Variants in ANKFN1 observed in about 807,000 individuals in gnomAD.
ANKFN1 encodes the protein ankyrin repeat and fibronectin type-III domain-containing protein 1.
In ANKFN1, 74 loss-of-function variants were observed where a neutral mutation model predicts 108.7. The observed-to-expected ratio is 0.68, with a 90% CI of 0.56 to 0.83. The LOEUF is 0.83. ANKFN1 is among the 40% of genes least tolerant of loss of function. ANKFN1 has a pLI of 0.00. For missense variants in ANKFN1, 1,505 were observed against 1,382.3 expected (o/e 1.09, Z -1.41); for synonymous variants, 547 against 516.2 (o/e 1.06, Z -0.81).
chr17:56,387,080 A>G (rs1474777384), intron 8 of ANKFN1, among the ~76,000 whole-genome samples: 1 of 151,810 alleles, frequency 6.6e-6, no homozygotes, highest in Non-Finnish European at 1.5e-5. Context: ...ACATTTGACT[A>G]TTTTGTTGGT....
chr17:56,502,181 C>A (rs1567711210), intron 20 of ANKFN1, among the ~76,000 whole-genome samples: 2 of 152,174 alleles, frequency 1.3e-5, no homozygotes, highest in African/African-American at 4.8e-5. Context: ...CTTCGCAGCC[C>A]CTGTCTGCCC....
intron 14 of ANKFN1, among the ~76,000 whole-genome samples, chr17:56,459,558 C>T (rs1357050426): frequency 2.0e-5 from 3 of 152,204 alleles, no homozygotes; most frequent in African/African-American, 7.2e-5. Context: ...CCTCACACTA[C>T]TCTTTCTTTA....
Position 56,480,823 on chromosome 17 carries a change from T to G in ANKFN1, c.2091+5T>G, listed in dbSNP as rs771092151. On this transcript the variant is annotated splice_donor_5th_base_variant and intron_variant, in intron 17 of 20. Transcript: ENST00000682825. Reference sequence around the variant, plus strand: ...ATCAATATACCTCTACACCAGGTACTAGACTTTACCATTTTTATCTTCTTT... The same window carrying G: ...ATCAATATACCTCTACACCAGGTACGAGACTTTACCATTTTTATCTTCTTT... 6.2e-7 allele frequency: 1 copy of G among 1,612,104 alleles called. No individual in the cohort carries two copies. The highest frequency in any genetic ancestry group is 8.5e-7 in the Non-Finnish European group (1 of 1,179,278).
intron 3 of ANKFN1, among the ~76,000 whole-genome samples, chr17:56,283,285 G>A (rs1385008766): frequency 6.6e-6 from 1 of 151,924 alleles, no homozygotes; most frequent in Non-Finnish European, 1.5e-5. Flanking sequence ...TGATCTCGAG[G>A]GAATGTAAAC....
chr17:56,354,140 G>T lies in ANKFN1; in HGVS notation c.601+94G>T, dbSNP rs1020706404. ...CATTGCTGACTTTCAGAGCAGGAAT[G>T]GTTGACTAAGCATAGACTCTGATAG... On this transcript the variant is annotated intron_variant, in intron 6 of 20. Coordinates refer to ENST00000682825, the MANE Select transcript of ANKFN1 (RefSeq NM_001370326.1). 5 of 1,214,990 alleles carry T rather than the reference G, an allele frequency of 4.1e-6. No individual in the cohort carries two copies. The Admixed American group carries it at 6.1e-5, about 15-fold the overall frequency. The allele number at this position is 1,214,990 out of a possible 1,614,324, so 75.3% of individuals were successfully genotyped here.
At chr17:56,259,751 G>C (rs1293086234) in intron 3 of ANKFN1, among the ~76,000 whole-genome samples, 1 of 152,182 alleles carries the variant, frequency 6.6e-6, no homozygotes, top group African/African-American at 2.4e-5. Flanking sequence ...AATGAAAACT[G>C]TATCTAATGT....
chr17:56,196,817 G>T (rs914678802), intron 1 of ANKFN1, among the ~76,000 whole-genome samples: 2 of 152,156 alleles, frequency 1.3e-5, no homozygotes, highest in Admixed American at 1.3e-4. Flanking sequence ...TAGCTGTTCT[G>T]GTGCCTGATA....
intron 4 of ANKFN1, among the ~76,000 whole-genome samples, chr17:56,140,307 C>T (rs1598131328): frequency 6.6e-6 from 1 of 152,132 alleles, no homozygotes; most frequent in Admixed American, 6.5e-5. Flanking sequence ...CATTAATACC[C>T]ATTTCCTAAG....
chr17:56,133,335 A>G (rs1227265185), intron 4 of ANKFN1, among the ~76,000 whole-genome samples: 1 of 152,208 alleles, frequency 6.6e-6, no homozygotes, highest in Non-Finnish European at 1.5e-5. Flanking sequence ...CCCCCAAAGT[A>G]AACTAACCCC....
chr17:56,473,303 T>C (rs2050384016), intron 15 of ANKFN1: 1 of 152,084 alleles, frequency 6.6e-6, no homozygotes, highest in South Asian at 2.1e-4. Flanking sequence ...AAATGGAGGT[T>C]GGAAAAGCAG....
intron 1 of ANKFN1, among the ~76,000 whole-genome samples, chr17:56,179,487 G>C (rs1024497563): frequency 2.0e-5 from 3 of 151,982 alleles, no homozygotes; most frequent in East Asian, 3.9e-4. Flanking sequence ...AAGTGCTAGA[G>C]GGGGGATAAA....
At chr17:56,190,898 T>G (rs1249197577) in intron 1 of ANKFN1, among the ~76,000 whole-genome samples, 8 of 59,496 alleles carry the variant, frequency 1.3e-4, no homozygotes, top group Non-Finnish European at 2.8e-5. Flanking sequence ...TGGGTGCTCC[T>G]GTATTGGGTG....
rs79079798 is a variant in ANKFN1 at position 56,466,622 on chromosome 17, A to G, written c.1773+51A>G. ...GGGTATACTTAAGGTTCCAAACCCA[A>G]TTATTGAAGGTCTAGTGAAATATTG... On this transcript the variant is annotated intron_variant, in intron 15 of 20. Transcript: ENST00000682825. The G allele has an allele frequency of 2.1e-3, 3,135 of 1,473,828 alleles. 53 individuals carry two copies. In the African/African-American group the frequency reaches 0.038, roughly 18 times the overall value. The allele number at this position is 1,473,828 out of a possible 1,614,324, so 91.3% of individuals were successfully genotyped here. A position where few individuals can be genotyped will look rare whatever the true frequency, so the allele number is the denominator to read the frequency against.
chr17:56,325,454 T>C (rs1044345172), intron 3 of ANKFN1, among the ~76,000 whole-genome samples: 2 of 152,306 alleles, frequency 1.3e-5, no homozygotes, highest in South Asian at 2.1e-4. Context: ...TCATTAGTCA[T>C]GTAAAGCACA....
At chr17:56,449,652 T>A (rs2049418873) in intron 11 of ANKFN1, among the ~76,000 whole-genome samples, 1 of 152,152 alleles carries the variant, frequency 6.6e-6, no homozygotes, top group Non-Finnish European at 1.5e-5. Context: ...ACCCAGTATC[T>A]CATTTTCATC....
chr17:56,153,676 GGTT>G lies in ANKFN1; in HGVS notation c.-71+147_-71+149del. Reference sequence around the variant, plus strand: ...TCCATGGTCAGGCAGAGGGAAAGCTGGTTTCATTTCTGTAAACAGGCAAATGTT... The same window carrying G: ...TCCATGGTCAGGCAGAGGGAAAGCTGTCATTTCTGTAAACAGGCAAATGTT... On this transcript the variant is annotated intron_variant, in intron 1 of 20. Transcript: ENST00000682825. The G allele has an allele frequency of 3.6e-6, 4 of 1,120,602 alleles. No individual in the cohort carries two copies. The South Asian group carries it at 5.4e-5, about 15-fold the overall frequency. The allele number at this position is 1,120,602 out of a possible 1,614,324, so 69.4% of individuals were successfully genotyped here. A position where few individuals can be genotyped will look rare whatever the true frequency, so the allele number is the denominator to read the frequency against.
intron 1 of ANKFN1, among the ~76,000 whole-genome samples, chr17:56,163,545 A>G (rs748845230): frequency 3.9e-5 from 6 of 152,162 alleles, no homozygotes; most frequent in Non-Finnish European, 5.9e-5. Context: ...ACCCATGCCG[A>G]CTTTCATACT....
chr17:56,417,352 C>T (rs1459903845), intron 8 of ANKFN1, among the ~76,000 whole-genome samples: 3 of 152,116 alleles, frequency 2.0e-5, no homozygotes, highest in African/African-American at 4.8e-5. Context: ...ACATGTACTA[C>T]GTACCCACAA....
intron 8 of ANKFN1, among the ~76,000 whole-genome samples, chr17:56,395,742 G>C (rs1450700935): frequency 6.6e-6 from 1 of 151,998 alleles, no homozygotes; most frequent in South Asian, 2.1e-4. Flanking sequence ...CCAGCTACTC[G>C]GGAGGCTGAG....
Sources: allele counts gnomAD v4.1 joint callset (sites outside exome capture counted in the v4.1 genomes callset), GRCh38; gene constraint gnomAD v4.1.1; transcripts MANE v1.5; gene names NCBI Gene and HGNC (gene_info 2026-07-23, HGNC 2026-07-21).